The following TMEM41A variants were observed in gnomAD, a reference collection of about 807,000 sequenced individuals.
The protein encoded by TMEM41A is transmembrane protein 41A.
TMEM41A carries 20 observed loss-of-function variants against 25.7 expected under a neutral mutation model. That is an observed-to-expected ratio of 0.78 (90% CI 0.55 to 1.13). The LOEUF is 1.13. TMEM41A is among the 50% of genes most tolerant of loss of function. TMEM41A has a pLI of 0.00. For synonymous variants in TMEM41A, 133 were observed against 139.6 expected (o/e 0.95, Z 0.33); for missense variants, 299 against 314.3 (o/e 0.95, Z 0.37).
chr3:185,495,408 T>G (rs1719075700), intron 2 of TMEM41A, 93 bp from the exon 3 acceptor site: 1 of 1,246,354 alleles, frequency 8.0e-7, no homozygotes, highest in South Asian at 1.4e-5. Flanking sequence ...CCCTCCTCCT[T>G]CACTGCTTTT....
rs558155630 is a variant in TMEM41A, at chr3:185,494,918, A to G, written c.436-157T>C. On this transcript the variant is annotated intron_variant, in intron 3 of 4. Coordinates refer to ENST00000421852, the MANE Select transcript of TMEM41A (RefSeq NM_080652.4). ...AAGACTGTTTTCCTCATTTTAAAAT[A>G]GACATGCTGAGGATCAGAGAAGTCA... The G allele has an allele frequency of 1.1e-4, 109 of 1,031,614 alleles. No homozygotes were observed. The African/African-American group carries it at 1.6e-3, about 15-fold the overall frequency. The allele number at this position is 1,031,614 out of a possible 1,614,324, so 63.9% of individuals were successfully genotyped here. A position where few individuals can be genotyped will look rare whatever the true frequency, so the allele number is the denominator to read the frequency against.
Position 185,491,391 on chromosome 3 carries a change from C to G in TMEM41A, c.*146G>C, listed in dbSNP as rs550340182. The G allele has an allele frequency of 3.1e-6, 2 of 645,382 alleles. No homozygotes were observed. Among genetic ancestry groups the G allele is most frequent in the Admixed American group, 2.7e-5 (1 of 36,736 alleles). 40.0% of individuals were successfully genotyped at this position (645,382 alleles called of 1,614,324 possible). On this transcript the variant is annotated 3_prime_UTR_variant, in exon 5 of 5. Coordinates refer to ENST00000421852, the MANE Select transcript of TMEM41A (RefSeq NM_080652.4). The stretch of plus-strand genomic sequence containing the variant: ...TAATACACCTTCAAGAGCAGAGTGT[C>G]CTTTCTGAAAAGACACTGCACATTG...
chr3:185,492,764 T>C (rs1464563284), intron 4 of TMEM41A: 1 of 152,222 alleles, frequency 6.6e-6, no homozygotes, highest in African/African-American at 2.4e-5. Flanking sequence ...TCCATTTCTC[T>C]TCTATAGGAG....
At chr3:185,494,810 G>A (rs749979219) in intron 3 of TMEM41A, 49 bp from the exon 4 acceptor site, 5 of 1,546,022 alleles carry the variant, frequency 3.2e-6, no homozygotes, top group Non-Finnish European at 4.3e-6. Flanking sequence ...GGGTCTCCAG[G>A]TGTTGAAAAC....
Position 185,495,177 on chromosome 3 carries a change from T to C in TMEM41A, c.412A>G (p.Lys138Glu), listed in dbSNP as rs762056685. 5 of 1,613,724 alleles carry C rather than the reference T, an allele frequency of 3.1e-6. No homozygotes were observed. Among genetic ancestry groups the C allele is most frequent in the South Asian group, 2.2e-5 (2 of 91,046 alleles). Residue 138 changes from lysine (K) to glutamate (E), a missense_variant, in exon 3 of 5, where the codon AAA becomes GAA. Physicochemically the swap from Lys to Glu is moderately conservative, Grantham distance 56. Coordinates refer to ENST00000421852, the MANE Select transcript of TMEM41A (RefSeq NM_080652.4). ...ACCTTTCTCTGCAGCAGGGCCACTTTATCAGGAAAGTAGGACACCACCAAC... is the reference window on the plus strand; with the variant it reads ...ACCTTTCTCTGCAGCAGGGCCACTTCATCAGGAAAGTAGGACACCACCAAC... ...KQLVVSYFPD[K>E]VALLQRKVEE...
Position 185,495,219 on chromosome 3 carries a change from T to C in TMEM41A, c.370A>G (p.Ser124Gly). 1.2e-6 allele frequency: 2 copies of C among 1,613,654 alleles called. No individual in the cohort carries two copies. The highest frequency in any genetic ancestry group is 1.7e-6 in the Non-Finnish European group (2 of 1,179,938). Residue 124 changes from serine (S) to glycine (G), a missense_variant, in exon 3 of 5, where the codon AGT (serine) becomes GGT (glycine). Transcript: ENST00000421852. ...VGATCCYLLS[S>G]IFGKQLVVSY... The stretch of plus-strand genomic sequence containing the variant: ...ACCACCAACTGTTTGCCAAAAATAC[T>C]GGAGAGCAGGTAGCAGCATGTGGCA...
intron 1 of TMEM41A, 200 bp downstream of exon 1, chr3:185,498,643 C>G: frequency 5.5e-6 from 3 of 547,016 alleles, no homozygotes; most frequent in Non-Finnish European, 9.6e-6. Flanking sequence ...AGGCCCGGAG[C>G]CGGGCTCCCA....
chr3:185,494,964 G>C, intron 3 of TMEM41A, 190 bp downstream of exon 3: 6 of 941,084 alleles, frequency 6.4e-6, no homozygotes, highest in Non-Finnish European at 9.4e-6. Context: ...CAAAGTCACA[G>C]AGCTGGTAAT....
rs1718954093 is a variant in TMEM41A at position 185,491,621 on chromosome 3, G to A, written c.711C>T (p.Thr237=). Residue 237 remains threonine (T), a synonymous_variant, in exon 5 of 5, where the codon ACC becomes ACT. Transcript: ENST00000421852. Reference sequence around the variant, plus strand: ...GTTTCTGACTAAATTTTTTAATGAGGGTTCCAGGAATTAATGCCACCATGG... The same window carrying A: ...GTTTCTGACTAAATTTTTTAATGAGAGTTCCAGGAATTAATGCCACCATGG... ...AIAMVALIPG[T]LIKKFSQKHL... is the part of the protein sequence containing the mutation. The A allele has an allele frequency of 1.2e-6, 2 of 1,614,146 alleles. No individual in the cohort carries two copies. Among genetic ancestry groups the A allele is most frequent in the African/African-American group, 1.3e-5 (1 of 75,014 alleles).
At position 185,491,763 on chromosome 3, in the gene TMEM41A, A is replaced by G. The variant is rs1451885920; in HGVS notation, c.575-6T>C. ...GAAATTATATGGGATCAAACCTGGA[A>G]GAAGAAAAGGACAAAGCACCTGTTA... On this transcript the variant is annotated splice_polypyrimidine_tract_variant and splice_region_variant and intron_variant, in intron 4 of 4. Transcript: ENST00000421852. 1.3e-6 allele frequency: 2 copies of G among 1,595,754 alleles called. No homozygotes were observed. Among genetic ancestry groups the G allele is most frequent in the South Asian group, 1.1e-5 (1 of 88,394 alleles).
Position 185,494,675 on chromosome 3 carries a change from CG to C in TMEM41A, c.521del (p.Ser174TrpfsTer5). ...PMTPNWFLNLSAPILNIPIVQ... is the reference protein window; with the variant it reads ...PMTPNWFLNLXAPILNIPIVQ... ...CGATGGGAATGTTCAGAATTGGGGC[CG>C]AGAGGTTCAAGAACCAGTTTGGTGT... On this transcript the variant is annotated frameshift_variant, in exon 4 of 5. Transcript: ENST00000421852. 1 of 1,611,904 alleles carries C rather than the reference CG, an allele frequency of 6.2e-7. No individual in the cohort carries two copies. The highest frequency in any genetic ancestry group is 1.3e-5 in the African/African-American group (1 of 74,816).
chr3:185,491,110 G>C lies in TMEM41A; in HGVS notation c.*427C>G, dbSNP rs751509024. 1.3e-5 allele frequency: 2 copies of C among 157,668 alleles called. No homozygotes were observed. Among genetic ancestry groups the C allele is most frequent in the Non-Finnish European group, 2.7e-5 (2 of 75,346 alleles). The allele number at this position is 157,668 out of a possible 1,614,324, so 9.8% of individuals were successfully genotyped here. On this transcript the variant is annotated 3_prime_UTR_variant, in exon 5 of 5. Coordinates refer to ENST00000421852, the MANE Select transcript of TMEM41A (RefSeq NM_080652.4). ...CCACCTTGGTTCAAGCAATTCTCCT[G>C]CCTCAGCCTCCCGAGTAGCTGGGAT... is the stretch of plus-strand genomic sequence containing the variant.
rs771630071 is a variant in TMEM41A at position 185,496,884 on chromosome 3, A to C, written c.217T>G (p.Phe73Val). 1 of 1,607,234 alleles carries C rather than the reference A, an allele frequency of 6.2e-7. No homozygotes were observed. The highest frequency in any genetic ancestry group is 8.5e-7 in the Non-Finnish European group (1 of 1,177,836). Residue 73 changes from phenylalanine (F) to valine (V), a missense_variant, in exon 2 of 5, where the codon TTC (phenylalanine) becomes GTC (valine). Physicochemically the swap from Phe to Val is conservative, Grantham distance 50 (BLOSUM62 -1). Transcript: ENST00000421852. The stretch of plus-strand genomic sequence containing the variant: ...TGTTTGTAGAGGTAGGCGCCGCAGA[A>C]GAGCAGGAACACGTAGGCCTGGTGC... ...KEHQAYVFLL[F>V]CGAYLYKQGF...
intron 1 of TMEM41A, chr3:185,498,413 G>A (rs1246182114): frequency 5.9e-6 from 1 of 168,614 alleles, no homozygotes; most frequent in African/African-American, 2.4e-5. Context: ...TGACGTAAGT[G>A]GGGTGGGGAG....
At chr3:185,496,063 C>T (rs1440517922) in intron 2 of TMEM41A, 3 of 153,782 alleles carry the variant, frequency 2.0e-5, no homozygotes, top group South Asian at 2.1e-4. Context: ...ATGTTAATAC[C>T]GGGGTTCCAT....
intron 1 of TMEM41A, 153 bp downstream of exon 1, chr3:185,498,690 C>G: frequency 1.6e-6 from 1 of 637,930 alleles, no homozygotes; most frequent in East Asian, 3.0e-5. Flanking sequence ...GACGCGGGCC[C>G]GGATACCAGA....
Position 185,494,628 on chromosome 3 carries a change from A to G in TMEM41A, c.569T>C (p.Leu190Pro). 1 of 1,597,692 alleles carries G rather than the reference A, an allele frequency of 6.3e-7. No individual in the cohort carries two copies. The highest frequency in any genetic ancestry group is 8.5e-7 in the Non-Finnish European group (1 of 1,173,976). Residue 190 changes from leucine (L) to proline (P), a missense_variant, in exon 4 of 5, where the codon CTT becomes CCT. Transcript: ENST00000421852. ...IPIVQFFFSVLIGLIPYNFIC... is the reference protein window; with the variant it reads ...IPIVQFFFSVPIGLIPYNFIC... ...CTACCCCACTAGCATCTTACCGATA[A>G]GAACTGAGAAGAAGAACTGCACGAT...
At chr3:185,496,730 T>G in intron 2 of TMEM41A, 98 bp downstream of exon 2, 1 of 1,479,002 alleles carries the variant, frequency 6.8e-7, no homozygotes, top group Non-Finnish European at 9.2e-7. Flanking sequence ...CCACTGTCAC[T>G]TTTAATCATC....
At chr3:185,497,866 C>T (rs1055373742) in intron 1 of TMEM41A, among the ~76,000 whole-genome samples, 3 of 152,212 alleles carry the variant, frequency 2.0e-5, no homozygotes, top group Non-Finnish European at 4.4e-5. Context: ...CTGTACTAGG[C>T]ACACTTCCAT....
Sources: gnomAD v4.1 joint callset for allele counts (sites outside exome capture counted in the v4.1 genomes callset) on GRCh38, gnomAD v4.1.1 for gene constraint, MANE v1.5 for transcripts, NCBI Gene and HGNC (gene_info 2026-07-23, HGNC 2026-07-21) for gene names.